PDE1C: variants seen among roughly 807,000 people sequenced by gnomAD.
PDE1C encodes the protein phosphodiesterase 1C.
PDE1C carries 62 observed loss-of-function variants against 93.1 expected under a neutral mutation model. The ratio of observed to expected loss-of-function variants is 0.67; its 90% CI spans 0.54 to 0.82. The LOEUF (loss-of-function observed/expected upper bound fraction) is 0.82. Among genes scored for constraint, PDE1C ranks in the 40% least tolerant of loss-of-function variants. The pLI is 0.00. For synonymous variants in PDE1C, 325 were observed against 310.1 expected, an observed-to-expected ratio of 1.05 and a Z score of -0.50; for missense variants, 742 against 884.6, an observed-to-expected ratio of 0.84 and a Z score of 2.04.
intron 3 of PDE1C, among the ~76,000 whole-genome samples, chr7:32,092,164 TGAGA>T (rs3078655): frequency 1.2e-4 from 18 of 148,932 alleles, no homozygotes; most frequent in African/African-American, 2.2e-4. Flanking sequence ...CTTTTGTTCA[TGAGA>T]GAGAGAGAGA....
chr7:32,345,088 G>A (rs1364068760), intron 1 of PDE1C, among the ~76,000 whole-genome samples: 2 of 152,132 alleles, frequency 1.3e-5, no homozygotes, highest in Non-Finnish European at 2.9e-5. Flanking sequence ...CTTCTGTTAT[G>A]ATCACAGATG....
chr7:31,659,789 C>G, the PDE1C span, among the ~76,000 whole-genome samples: 12 of 152,146 alleles, frequency 7.9e-5, no homozygotes, highest in Admixed American at 2.0e-4. Flanking sequence ...TCATGTAGAG[C>G]TATAGCAGAA....
the PDE1C span, among the ~76,000 whole-genome samples, chr7:31,739,055 T>C: frequency 8.3e-6 from 1 of 120,292 alleles, no homozygotes; most frequent in African/African-American, 3.2e-5. Flanking sequence ...CCCCTATAAA[T>C]GCCCCCACCT....
At chr7:32,225,928 C>T (rs1011687542) in intron 1 of PDE1C, among the ~76,000 whole-genome samples, 1 of 152,070 alleles carries the variant, frequency 6.6e-6, no homozygotes, top group Non-Finnish European at 1.5e-5. Flanking sequence ...CATGGTGGCA[C>T]GTGCTTGTAG....
In PDE1C at chr7:32,094,132, G is replaced by T. The variant is rs1019970186; in HGVS notation, c.308+75653C>A. ...ACAACTGGCTCTCAAGATTGGAAGT[G>T]GGGGAAGAAACTCTTATTTGTAGCA... On this transcript the variant is annotated intron_variant, in intron 3 of 18. Coordinates refer to the PDE1C transcript ENST00000396193. Among the ~76,000 whole-genome samples the T allele has an allele frequency of 2.0e-5, 3 of 152,204 alleles. No individual in the cohort carries two copies. In the South Asian group the frequency reaches 6.2e-4, roughly 31 times the overall value.
the PDE1C span, among the ~76,000 whole-genome samples, chr7:31,632,440 C>A: frequency 8.2e-4 from 125 of 152,050 alleles, no homozygotes; most frequent in Non-Finnish European, 1.7e-3. Flanking sequence ...GAGCGAGACT[C>A]CTTCTCAAAA....
chr7:31,961,229 C>CATGTAT (rs201727280), intron 2 of PDE1C, among the ~76,000 whole-genome samples: 4 of 149,646 alleles, frequency 2.7e-5, no homozygotes, highest in South Asian at 2.1e-4. Flanking sequence ...ATCACTCGTA[C>CATGTAT]ATGTATATGT....
chr7:31,756,076 G>A (rs1328857227), intron 17 of PDE1C, among the ~76,000 whole-genome samples: 2 of 152,156 alleles, frequency 1.3e-5, no homozygotes, highest in Non-Finnish European at 2.9e-5. Flanking sequence ...GGAGGCTCAG[G>A]CAGGAGAATC....
chr7:31,618,632 A>T, the PDE1C span, among the ~76,000 whole-genome samples: 1 of 152,186 alleles, frequency 6.6e-6, no homozygotes, highest in South Asian at 2.1e-4. Flanking sequence ...CCCTCCATTA[A>T]TGGGGTCACA....
At chr7:32,226,594 C>T (rs1807292023) in intron 1 of PDE1C, among the ~76,000 whole-genome samples, 1 of 152,122 alleles carries the variant, frequency 6.6e-6, no homozygotes, top group African/African-American at 2.4e-5. Context: ...TGAGCAGAGA[C>T]CCACGTGTAG....
Position 32,065,056 on chromosome 7 carries a change from G to T in PDE1C, c.101+5237C>A, listed in dbSNP as rs75969406. Among the ~76,000 whole-genome samples, 82 of 64,130 alleles carry T rather than the reference G, an allele frequency of 1.3e-3. 2 individuals carry two copies. Among genetic ancestry groups the T allele is most frequent in the African/African-American group, 2.6e-3 (62 of 23,758 alleles). The allele number at this position is 64,130 out of a possible 152,430, so 42.1% of individuals were successfully genotyped here. A position where few individuals can be genotyped will look rare whatever the true frequency, so the allele number is the denominator to read the frequency against. On this transcript the variant is annotated intron_variant, in intron 1 of 17. Coordinates refer to ENST00000396191, the MANE Select transcript of PDE1C (RefSeq NM_001191057.4). ...TACTTCTGACGGAACGGCGGTGGGG[G>T]GGGGGGGGAGGAGCCGGGGGCCAGT...
chr7:32,257,237 T>C (rs1809867404), intron 1 of PDE1C, among the ~76,000 whole-genome samples: 1 of 152,004 alleles, frequency 6.6e-6, no homozygotes, highest in African/African-American at 2.4e-5. Context: ...AAAAAACAAA[T>C]GAGAAAGGGG....
At chr7:31,711,817 T>G in the PDE1C span, among the ~76,000 whole-genome samples, 1 of 152,204 alleles carries the variant, frequency 6.6e-6, no homozygotes, top group African/African-American at 2.4e-5. Flanking sequence ...GTGGGAGCCC[T>G]CCTGAAGATC....
At chr7:32,350,560 A>AGTC (rs1562686433) in intron 1 of PDE1C, among the ~76,000 whole-genome samples, 27 of 814 alleles carry the variant, frequency 0.033, 13 homozygotes, top group Admixed American at 0.077. Flanking sequence ...ATATATATAT[A>AGTC]TATATATATA....
In PDE1C at chr7:32,000,993, CGT is replaced by C. The variant is rs34671338; in HGVS notation, c.128+50559_128+50560del. 7.6e-3 allele frequency among the ~76,000 whole-genome samples: 1,130 copies of C among 148,802 alleles called. 7 individuals are homozygous for C. Among genetic ancestry groups the C allele is most frequent in the Admixed American group, 0.01 (150 of 14,896 alleles). Reference sequence around the variant, plus strand: ...GTATACATGTGCCTGTGTGTGTATACGTGTGTGTGTGTGTGTGTGTGTGTATG... The same window carrying C: ...GTATACATGTGCCTGTGTGTGTATACGTGTGTGTGTGTGTGTGTGTGTATG... On this transcript the variant is annotated intron_variant, in intron 2 of 17. Transcript: ENST00000396191.
the PDE1C span, among the ~76,000 whole-genome samples, chr7:31,742,184 G>A: frequency 2.6e-5 from 4 of 152,216 alleles, no homozygotes; most frequent in African/African-American, 9.6e-5. Flanking sequence ...GCACATTCCA[G>A]TAAGAAAACA....
chr7:32,339,560 A>C (rs1443674936), intron 1 of PDE1C, among the ~76,000 whole-genome samples: 1 of 152,226 alleles, frequency 6.6e-6, no homozygotes, highest in African/African-American at 2.4e-5. Context: ...ATGAAGAATT[A>C]GCCCATATTG....
chr7:32,309,779 C>T (rs1234536499), intron 1 of PDE1C, among the ~76,000 whole-genome samples: 1 of 152,144 alleles, frequency 6.6e-6, no homozygotes, highest in Non-Finnish European at 1.5e-5. Context: ...AAACTGGTAC[C>T]AACCACTGAA....
intron 17 of PDE1C, among the ~76,000 whole-genome samples, chr7:31,764,534 C>T (rs531022743): frequency 3.9e-4 from 59 of 152,262 alleles, no homozygotes; most frequent in Non-Finnish European, 5.4e-4. Flanking sequence ...CCAACCAAGA[C>T]GGAAGGAGTT....
Sources: gnomAD v4.1 joint callset for allele counts (sites outside exome capture counted in the v4.1 genomes callset) on GRCh38, gnomAD v4.1.1 for gene constraint, MANE v1.5 for transcripts, NCBI Gene and HGNC (gene_info 2026-07-23, HGNC 2026-07-21) for gene names.